The following EBF2 variants were observed in gnomAD, a reference collection of about 807,000 sequenced individuals.
EBF2 encodes the protein EBF transcription factor 2.
In EBF2, 21 loss-of-function variants were observed where a neutral mutation model predicts 72.8. The observed-to-expected ratio is 0.29, with a 90% confidence interval of 0.20 to 0.42. EBF2 has a LOEUF of 0.42. EBF2 is among the 10% of genes least tolerant of loss of function. EBF2 has a pLI of 1.00. For missense variants in EBF2, 637 were observed against 731.2 expected (o/e 0.87, Z 1.49); for synonymous variants, 299 against 274.2 (o/e 1.09, Z -0.89).
At chr8:25,983,782 G>A (rs575659923) in intron 6 of EBF2, among the ~76,000 whole-genome samples, 1 of 152,364 alleles carries the variant, frequency 6.6e-6, no homozygotes, top group African/African-American at 2.4e-5. Context: ...ATATGGATCA[G>A]CTGACACCCG....
intron 6 of EBF2, among the ~76,000 whole-genome samples, chr8:25,939,291 TC>T (rs1269813217): frequency 1.3e-5 from 2 of 152,196 alleles, no homozygotes; most frequent in Admixed American, 6.5e-5. Context: ...TAATCTATTT[TC>T]CTGACATTGT....
Position 26,040,442 on chromosome 8 carries a change from GAA to G in EBF2, c.408+172_408+173del, listed in dbSNP as rs879043883. ...ACAGGTCACTTGGTGAGACAGGGAA[GAA>G]AAAAAAAAAAAAATCTTCCCTAGCA... On this transcript the variant is annotated intron_variant, in intron 4 of 15. Coordinates refer to ENST00000520164, the MANE Select transcript of EBF2 (RefSeq NM_022659.4). 1.5e-3 allele frequency among the ~76,000 whole-genome samples: 185 copies of G among 126,570 alleles called. 1 individual carries two copies. Among genetic ancestry groups the G allele is most frequent in the African/African-American group, 5.0e-3 (175 of 35,052 alleles). 83.0% of individuals were successfully genotyped at this position (126,570 alleles called of 152,430 possible). A position where few individuals can be genotyped will look rare whatever the true frequency, so the allele number is the denominator to read the frequency against.
chr8:25,920,025 AT>A (rs368212418), intron 6 of EBF2, among the ~76,000 whole-genome samples: 6,586 of 149,274 alleles, frequency 0.044, 174 homozygotes, highest in Admixed American at 0.068. Context: ...TGGTTCAGGA[AT>A]TTTTTTTTTT....
intron 6 of EBF2, among the ~76,000 whole-genome samples, chr8:25,945,620 T>A (rs1803756597): frequency 6.6e-6 from 1 of 151,556 alleles, no homozygotes; most frequent in Non-Finnish European, 1.5e-5. Flanking sequence ...CTGCTTGGTC[T>A]GTTTGGTTTC....
rs187217045 is a variant in EBF2 at position 25,983,338 on chromosome 8, G to T, written c.551+49747C>A. Among the ~76,000 whole-genome samples, 30 of 152,282 alleles carry T rather than the reference G, an allele frequency of 2.0e-4. No individual in the cohort carries two copies. The East Asian group carries it at 3.7e-3, about 19-fold the overall frequency. On this transcript the variant is annotated intron_variant, in intron 6 of 15. Transcript: ENST00000520164. ...GTAAAAATGCGCCTGTGAAAAAGAC[G>T]GAAGGGGACACACAAAAGCGAAAGT...
At chr8:26,028,196 CAGTTT>C (rs1805334041) in intron 6 of EBF2, among the ~76,000 whole-genome samples, 1 of 152,158 alleles carries the variant, frequency 6.6e-6, no homozygotes, top group South Asian at 2.1e-4. Context: ...AAATAAACTT[CAGTTT>C]ATTCAGATCT....
chr8:25,843,666 T>A lies in EBF2; in HGVS notation c.*943A>T, dbSNP rs377132300. ...CGTTGAAAGCTAATAATAGGAATTTTAAAAAGTATTCACAAGAGTGTGGAC... is the reference window on the plus strand; with the variant it reads ...CGTTGAAAGCTAATAATAGGAATTTAAAAAAGTATTCACAAGAGTGTGGAC... On this transcript the variant is annotated 3_prime_UTR_variant, in exon 16 of 16. Coordinates refer to ENST00000520164, the MANE Select transcript of EBF2 (RefSeq NM_022659.4). 5.3e-5 allele frequency: 8 copies of A among 152,228 alleles called. No individual in the cohort carries two copies. Among genetic ancestry groups the A allele is most frequent in the African/African-American group, 1.7e-4 (7 of 41,456 alleles). The allele number at this position is 152,228 out of a possible 1,614,324, so 9.4% of individuals were successfully genotyped here. A position where few individuals can be genotyped will look rare whatever the true frequency, so the allele number is the denominator to read the frequency against.
intron 6 of EBF2, among the ~76,000 whole-genome samples, chr8:25,979,536 T>C (rs1804325419): frequency 1.3e-5 from 2 of 152,328 alleles, no homozygotes; most frequent in Non-Finnish European, 2.9e-5. Flanking sequence ...AATTCTCCAA[T>C]AAAAGAGAGA....
chr8:26,012,857 G>T lies in EBF2; in HGVS notation c.551+20228C>A, dbSNP rs1445176835. Among the ~76,000 whole-genome samples, 3 of 152,152 alleles carry T rather than the reference G, an allele frequency of 2.0e-5. No individual in the cohort carries two copies. The East Asian group carries it at 5.8e-4, about 29-fold the overall frequency. On this transcript the variant is annotated intron_variant, in intron 6 of 15. Coordinates refer to ENST00000520164, the MANE Select transcript of EBF2 (RefSeq NM_022659.4). The stretch of plus-strand genomic sequence containing the variant: ...AGCATCAAACAAAGTCTTCCATGGT[G>T]CAGGCCTTCTGTTATCCATTCATTA...
chr8:25,974,135 G>A (rs1355816220), intron 6 of EBF2, among the ~76,000 whole-genome samples: 2 of 152,170 alleles, frequency 1.3e-5, no homozygotes, highest in African/African-American at 4.8e-5. Flanking sequence ...GTAGGAAGAG[G>A]CAGGTGAGAT....
chr8:25,952,642 C>T (rs1307838300), intron 6 of EBF2, among the ~76,000 whole-genome samples: 1 of 152,154 alleles, frequency 6.6e-6, no homozygotes, highest in Admixed American at 6.5e-5. Context: ...AATCTCCCCC[C>T]TACACTTCAT....
chr8:25,995,544 TA>T (rs1180353436), intron 6 of EBF2, among the ~76,000 whole-genome samples: 1 of 152,142 alleles, frequency 6.6e-6, no homozygotes, highest in Admixed American at 6.5e-5. Flanking sequence ...GTATGCTATT[TA>T]AAAGAACACT....
rs567219239 is a variant in EBF2, at chr8:25,926,684, A to C, written c.552-18129T>G. 1.2e-3 allele frequency among the ~76,000 whole-genome samples: 181 copies of C among 152,330 alleles called. 1 individual carries two copies. The highest frequency in any genetic ancestry group is 3.8e-3 in the African/African-American group (159 of 41,570). On this transcript the variant is annotated intron_variant, in intron 6 of 15. Coordinates refer to ENST00000520164, the MANE Select transcript of EBF2 (RefSeq NM_022659.4). ...AAAGTCCAGGCATAAAAACTCCCAGAAGCATGAGTCCTCTCCACATTCCCA... is the reference window on the plus strand; with the variant it reads ...AAAGTCCAGGCATAAAAACTCCCAGCAGCATGAGTCCTCTCCACATTCCCA...
chr8:26,040,168 T>G, intron 4 of EBF2, 67 bp from the exon 5 acceptor site: 1 of 1,519,320 alleles, frequency 6.6e-7, no homozygotes, highest in East Asian at 2.3e-5. Flanking sequence ...AAGAAGGGAC[T>G]TCAGAACAAG....
Position 25,858,482 on chromosome 8 carries a change from G to A in EBF2, c.1365C>T (p.Ser455=). 6.2e-7 allele frequency: 1 copy of A among 1,613,836 alleles called. No individual in the cohort carries two copies. Among genetic ancestry groups the A allele is most frequent in the Non-Finnish European group, 8.5e-7 (1 of 1,179,944 alleles). Residue 455 remains serine, a synonymous_variant, in exon 14 of 16, where the codon AGC becomes AGT. Coordinates refer to ENST00000520164, the MANE Select transcript of EBF2 (RefSeq NM_022659.4). Reference sequence around the variant, plus strand: ...TGGAAGAGTATCCCCGCGGAGAGATGCTGCTTGTGTTGCGGATGTACCCTT... The same window carrying A: ...TGGAAGAGTATCCCCGCGGAGAGATACTGCTTGTGTTGCGGATGTACCCTT... ...NNQGYIRNTS[S]ISPRGYSSSS...
chr8:26,028,889 C>A lies in EBF2; in HGVS notation c.551+4196G>T, dbSNP rs190340849. Among the ~76,000 whole-genome samples the A allele has an allele frequency of 6.3e-4, 96 of 152,314 alleles. 1 individual carries two copies. The highest frequency in any genetic ancestry group is 2.2e-3 in the African/African-American group (90 of 41,548). ...TTGGATTTCTACACTAAAAATTAAT[C>A]AGGAGACCCTTGATTCAGCAGCAAG... On this transcript the variant is annotated intron_variant, in intron 6 of 15. Coordinates refer to ENST00000520164, the MANE Select transcript of EBF2 (RefSeq NM_022659.4).
At chr8:26,010,281 T>C (rs1027592067) in intron 6 of EBF2, among the ~76,000 whole-genome samples, 1 of 152,166 alleles carries the variant, frequency 6.6e-6, no homozygotes, top group African/African-American at 2.4e-5. Flanking sequence ...AACTCTGAAA[T>C]CTGAGCTAAA....
At chr8:26,021,938 G>T (rs1330129108) in intron 6 of EBF2, among the ~76,000 whole-genome samples, 2 of 152,202 alleles carry the variant, frequency 1.3e-5, no homozygotes, top group Non-Finnish European at 2.9e-5. Flanking sequence ...TTTCCTATGT[G>T]TATCTTCTGA....
At chr8:26,020,463 G>C (rs1336638789) in intron 6 of EBF2, among the ~76,000 whole-genome samples, 1 of 152,228 alleles carries the variant, frequency 6.6e-6, no homozygotes, top group African/African-American at 2.4e-5. Context: ...AAAGAAGAAA[G>C]GGAGGTCTTT....
Sources: gnomAD v4.1 joint callset for allele counts (sites outside exome capture counted in the v4.1 genomes callset) on GRCh38, gnomAD v4.1.1 for gene constraint, MANE v1.5 for transcripts, NCBI Gene and HGNC (gene_info 2026-07-23, HGNC 2026-07-21) for gene names.